The following TENM2 variants were observed in gnomAD, a reference collection of about 807,000 sequenced individuals.
TENM2 encodes the protein teneurin-2.
A neutral mutation model predicts 245.2 loss-of-function variants in TENM2; 52 were observed. The observed-to-expected ratio is 0.21, with a 90% CI of 0.17 to 0.27. The LOEUF is 0.27. TENM2 is among the 10% of genes least tolerant of loss of function. The pLI, the probability that TENM2 is intolerant of heterozygous loss-of-function variation, is 1.00. For missense variants in TENM2, 3,046 were observed against 3,666.8 expected (o/e 0.83, Z 4.37); for synonymous variants, 1,363 against 1,438.9 (o/e 0.95, Z 1.19).
At chr5:167,067,738 G>A in the TENM2 span, among the ~76,000 whole-genome samples, 2 of 152,062 alleles carry the variant, frequency 1.3e-5, no homozygotes, top group Non-Finnish European at 2.9e-5. Context: ...ACATACACTC[G>A]ACAGTTCTCT....
intron 2 of TENM2, among the ~76,000 whole-genome samples, chr5:167,866,016 A>T (rs1394731569): frequency 6.6e-6 from 1 of 152,216 alleles, no homozygotes; most frequent in African/African-American, 2.4e-5. Flanking sequence ...TATAGTGTAT[A>T]ACCTGTACCC....
chr5:167,445,330 T>TAGGGAGAGAGAGAGAGAGAGAGAGAG (rs1275688569), intron 2 of TENM2, among the ~76,000 whole-genome samples: 5 of 49,264 alleles, frequency 1.0e-4, no homozygotes, highest in East Asian at 5.0e-4. Flanking sequence ...TATATATATA[T>TAGGGAGAGAGAGAGAGAGAGAGAGAG]ATATATAGAG....
chr5:167,674,819 TTG>T (rs1170139383), intron 2 of TENM2, among the ~76,000 whole-genome samples: 3 of 152,106 alleles, frequency 2.0e-5, no homozygotes, highest in African/African-American at 7.2e-5. Flanking sequence ...AGAATTTAGG[TTG>T]TGTTTCTATA....
chr5:168,120,708 T>C (rs1795408248), intron 10 of TENM2, among the ~76,000 whole-genome samples: 1 of 152,244 alleles, frequency 6.6e-6, no homozygotes, highest in African/African-American at 2.4e-5. Flanking sequence ...AGGTGATTCA[T>C]ATGCTGTTTT....
At chr5:167,666,611 G>A (rs1047310492) in intron 2 of TENM2, among the ~76,000 whole-genome samples, 1 of 152,122 alleles carries the variant, frequency 6.6e-6, no homozygotes, top group African/African-American at 2.4e-5. Flanking sequence ...AGTACTTAGA[G>A]GGCCTGGCAT....
intron 2 of TENM2, among the ~76,000 whole-genome samples, chr5:167,569,235 C>CA (rs1029539205): frequency 3.3e-5 from 5 of 151,420 alleles, no homozygotes; most frequent in Non-Finnish European, 5.9e-5. Flanking sequence ...AACATTTCCC[C>CA]AAAAAAAGTG....
intron 2 of TENM2, among the ~76,000 whole-genome samples, chr5:167,465,819 A>C (rs1306219258): frequency 1.4e-5 from 2 of 138,722 alleles, no homozygotes; most frequent in African/African-American, 5.2e-5. Flanking sequence ...TGACAGAGTG[A>C]GACTGTCTCA....
intron 4 of TENM2, among the ~76,000 whole-genome samples, chr5:167,990,454 A>G (rs1032798369): frequency 2.0e-5 from 3 of 152,208 alleles, no homozygotes; most frequent in Non-Finnish European, 4.4e-5. Context: ...TTTCCTACAC[A>G]GTGTTGCAAT....
chr5:168,256,582 G>A (rs529191207), intron 27 of TENM2, among the ~76,000 whole-genome samples: 27 of 152,126 alleles, frequency 1.8e-4, no homozygotes, highest in South Asian at 4.1e-4. Context: ...CGTGCACCAC[G>A]CCCGGCTATT....
chr5:168,175,227 A>G (rs1759247966), intron 13 of TENM2, among the ~76,000 whole-genome samples: 1 of 152,212 alleles, frequency 6.6e-6, no homozygotes, highest in Non-Finnish European at 1.5e-5. Context: ...ATGCCCCTTT[A>G]CTTAAATGGC....
the TENM2 span, among the ~76,000 whole-genome samples, chr5:167,168,664 G>A: frequency 6.6e-6 from 1 of 152,210 alleles, no homozygotes; most frequent in Non-Finnish European, 1.5e-5. Context: ...GCTTCTTTGT[G>A]TTCAGTTGTA....
intron 2 of TENM2, among the ~76,000 whole-genome samples, chr5:167,544,259 C>T (rs547910742): frequency 6.6e-6 from 1 of 152,172 alleles, no homozygotes; most frequent in Admixed American, 6.5e-5. Flanking sequence ...GGACATGGGG[C>T]CCTGGAGAGA....
chr5:167,996,583 T>G (rs1050720306), intron 5 of TENM2, among the ~76,000 whole-genome samples: 1 of 152,340 alleles, frequency 6.6e-6, no homozygotes, highest in Non-Finnish European at 1.5e-5. Context: ...TTCTGAATCA[T>G]GTAACCAAAG....
intron 1 of TENM2, among the ~76,000 whole-genome samples, chr5:167,306,908 G>A (rs1382007456): frequency 6.6e-6 from 1 of 152,178 alleles, no homozygotes; most frequent in East Asian, 1.9e-4. Context: ...TCATCACTCT[G>A]CTAAGGACAA....
chr5:167,964,071 A>G (rs1583501774), intron 4 of TENM2, among the ~76,000 whole-genome samples: 1 of 152,090 alleles, frequency 6.6e-6, no homozygotes. Flanking sequence ...TCTACCCTCC[A>G]CCTTCCTCCC....
In TENM2 at chr5:167,567,670, CTGGT is replaced by C. The variant is rs1200052173; in HGVS notation, c.502+192200_502+192203del. Among the ~76,000 whole-genome samples, 4 of 152,218 alleles carry C rather than the reference CTGGT, an allele frequency of 2.6e-5. No homozygotes were observed. In the East Asian group the frequency reaches 7.7e-4, roughly 29 times the overall value. ...GCTAATTTTGACACCAACTTGAACA[CTGGT>C]TGATGCGCAGCATGTGCACACACAC... is the stretch of plus-strand genomic sequence containing the variant. On this transcript the variant is annotated intron_variant, in intron 2 of 28. Transcript: ENST00000518659.
chr5:168,123,656 C>T (rs1028218687), intron 10 of TENM2, among the ~76,000 whole-genome samples: 3 of 152,202 alleles, frequency 2.0e-5, no homozygotes, highest in Non-Finnish European at 2.9e-5. Context: ...ATCCTTTAAT[C>T]TGGGCCAACA....
At chr5:168,073,409 G>A (rs1791192223) in intron 7 of TENM2, among the ~76,000 whole-genome samples, 1 of 152,128 alleles carries the variant, frequency 6.6e-6, no homozygotes, top group Non-Finnish European at 1.5e-5. Flanking sequence ...CTAAGCAGAG[G>A]GCAAACCAAG....
At chr5:167,540,112 A>G (rs1055913105) in intron 2 of TENM2, among the ~76,000 whole-genome samples, 2 of 152,202 alleles carry the variant, frequency 1.3e-5, no homozygotes, top group Admixed American at 1.3e-4. Context: ...TCGTTGGAGT[A>G]AATTTAGGCT....
Sources: gnomAD v4.1 joint callset for allele counts (sites outside exome capture counted in the v4.1 genomes callset) on GRCh38, gnomAD v4.1.1 for gene constraint, MANE v1.5 for transcripts, NCBI Gene and HGNC (gene_info 2026-07-23, HGNC 2026-07-21) for gene names.